Variants in EBF1 observed in about 807,000 individuals in gnomAD.
EBF1 encodes transcription factor COE1.
In EBF1, 10 loss-of-function variants were observed where a neutral mutation model predicts 68.4. The observed-to-expected ratio is 0.15, with a 90% confidence interval of 0.09 to 0.25. The LOEUF (loss-of-function observed/expected upper bound fraction) is 0.25. Ranked by LOEUF, EBF1 falls within the 10% of genes least tolerant of loss-of-function variation. EBF1 has a pLI of 1.00. For synonymous variants in EBF1, 298 were observed against 299.8 expected (o/e 0.99, Z 0.06); for missense variants, 509 against 794.4 (o/e 0.64, Z 4.32).
chr5:159,084,237 G>A (rs1584501835), intron 5 of EBF1, among the ~76,000 whole-genome samples: 1 of 152,016 alleles, frequency 6.6e-6, no homozygotes, highest in South Asian at 2.1e-4. Context: ...TTTTCAAGTG[G>A]GAGAATTAGA....
intron 6 of EBF1, among the ~76,000 whole-genome samples, chr5:158,926,087 C>T (rs141050992): frequency 5.3e-5 from 8 of 152,182 alleles, no homozygotes; most frequent in Non-Finnish European, 1.2e-4. Context: ...TTTATTTATA[C>T]TTCCACCATT....
intron 5 of EBF1, among the ~76,000 whole-genome samples, chr5:159,078,546 G>C (rs565511518): frequency 3.3e-5 from 5 of 152,192 alleles, no homozygotes; most frequent in Non-Finnish European, 7.3e-5. Context: ...GTTGGGCACT[G>C]TACCAGGCAC....
chr5:158,900,049 G>A (rs1480179706), intron 6 of EBF1, among the ~76,000 whole-genome samples: 2 of 152,104 alleles, frequency 1.3e-5, no homozygotes, highest in Non-Finnish European at 2.9e-5. Flanking sequence ...TCAGGCCCTC[G>A]GGTTCCCGGC....
chr5:158,757,674 C>T (rs1338971741), intron 10 of EBF1, among the ~76,000 whole-genome samples: 2 of 152,162 alleles, frequency 1.3e-5, no homozygotes, highest in East Asian at 1.9e-4. Flanking sequence ...TTTCTAGTTG[C>T]ATAACCTTCA....
intron 10 of EBF1, among the ~76,000 whole-genome samples, chr5:158,744,334 C>T (rs918324807): frequency 3.6e-5 from 5 of 137,762 alleles, no homozygotes; most frequent in East Asian, 2.0e-4. Flanking sequence ...GACAAATACA[C>T]GTCAAAAAGG....
intron 4 of EBF1, among the ~76,000 whole-genome samples, chr5:159,085,612 C>T (rs538281039): frequency 3.6e-4 from 55 of 152,286 alleles, no homozygotes; most frequent in Non-Finnish European, 6.9e-4. Flanking sequence ...CAGTGGGCTA[C>T]ATTTAGCTAA....
chr5:158,809,833 T>C (rs1334076270), intron 8 of EBF1, among the ~76,000 whole-genome samples: 2 of 152,228 alleles, frequency 1.3e-5, no homozygotes, highest in Middle Eastern at 3.2e-3. Flanking sequence ...CTTTTAACTT[T>C]CATTTTTAAT....
intron 9 of EBF1, 62 bp downstream of exon 9, chr5:158,796,283 A>T: frequency 6.6e-7 from 1 of 1,519,610 alleles, no homozygotes; most frequent in South Asian, 1.4e-5. Flanking sequence ...TAGAAATTCA[A>T]GTATAGACAG....
chr5:158,820,855 T>C (rs1200652497), intron 8 of EBF1, among the ~76,000 whole-genome samples: 1 of 152,206 alleles, frequency 6.6e-6, no homozygotes, highest in Non-Finnish European at 1.5e-5. Flanking sequence ...GGAGGAAGCT[T>C]AGAGCTGTGT....
At chr5:158,774,034 A>G (rs912818140) in intron 10 of EBF1, among the ~76,000 whole-genome samples, 1 of 152,184 alleles carries the variant, frequency 6.6e-6, no homozygotes, top group South Asian at 2.1e-4. Context: ...CTTGCCCTAC[A>G]TTTACATAAG....
chr5:158,863,702 C>T (rs888117293), intron 6 of EBF1, among the ~76,000 whole-genome samples: 1 of 152,114 alleles, frequency 6.6e-6, no homozygotes, highest in African/African-American at 2.4e-5. Flanking sequence ...ACATCTGCAG[C>T]TTTATACTGT....
At chr5:158,800,697 G>A (rs183637594) in intron 8 of EBF1, among the ~76,000 whole-genome samples, 68 of 152,242 alleles carry the variant, frequency 4.5e-4, no homozygotes, top group African/African-American at 1.6e-3. Flanking sequence ...AGCAGCCAAG[G>A]ACTTGTTTCT....
intron 6 of EBF1, among the ~76,000 whole-genome samples, chr5:159,030,518 G>A (rs13174985): frequency 0.077 from 11,760 of 152,270 alleles, 484 homozygotes; most frequent in Middle Eastern, 0.12. Flanking sequence ...GCTGGAGAAA[G>A]CCTCCTGCAG....
intron 6 of EBF1, among the ~76,000 whole-genome samples, chr5:159,009,710 T>G (rs1267807488): frequency 6.7e-6 from 1 of 148,974 alleles, no homozygotes; most frequent in Non-Finnish European, 1.5e-5. Context: ...GCCAAGGAAG[T>G]CCAGGCTGCA....
chr5:158,905,950 T>C (rs764838431), intron 6 of EBF1, among the ~76,000 whole-genome samples: 71 of 152,152 alleles, frequency 4.7e-4, no homozygotes, highest in Non-Finnish European at 9.3e-4. Context: ...ATTATTTCCA[T>C]GAAACACATG....
rs1805529167 is a variant in EBF1, at chr5:158,909,902, A to T, written c.555-69792T>A. 3.0e-5 allele frequency among the ~76,000 whole-genome samples: 4 copies of T among 134,376 alleles called. No homozygotes were observed. In the South Asian group the frequency reaches 1.1e-3, roughly 36 times the overall value. The allele number at this position is 134,376 out of a possible 152,430, so 88.2% of individuals were successfully genotyped here. On this transcript the variant is annotated intron_variant, in intron 6 of 15. Transcript: ENST00000313708. ...AACCAGGGAAGCAGAGGTTGCAGTG[A>T]GCCGAGATTGCACCACTGCACTCCA... is the stretch of plus-strand genomic sequence containing the variant.
At chr5:158,796,278 AT>A in intron 9 of EBF1, 66 bp downstream of exon 9, 1 of 1,470,886 alleles carries the variant, frequency 6.8e-7, no homozygotes, top group Non-Finnish European at 9.1e-7. Flanking sequence ...TCTATTAGAA[AT>A]TCAAGTATAG....
rs529895609 is a variant in EBF1 at position 159,096,709 on chromosome 5, G to A, written c.291+265C>T. 2.2e-3 allele frequency: 1,355 copies of A among 608,342 alleles called. 1 individual carries two copies. Among genetic ancestry groups the A allele is most frequent in the Middle Eastern group, 4.4e-3 (10 of 2,278 alleles). 37.7% of individuals were successfully genotyped at this position (608,342 alleles called of 1,614,324 possible). ...TGCGTAATCTGGTAGTGGAGGGCGG[G>A]TTCATTCCGGGTGCCCATGGCTGTG... On this transcript the variant is annotated intron_variant, in intron 2 of 15. Transcript: ENST00000313708.
In EBF1 at chr5:159,094,193, A is replaced by C. The variant is rs796960166; in HGVS notation, c.411+1427T>G. Among the ~76,000 whole-genome samples, 536 of 141,908 alleles carry C rather than the reference A, an allele frequency of 3.8e-3. 5 individuals are homozygous for C. The highest frequency in any genetic ancestry group is 0.013 in the African/African-American group (479 of 37,034). The allele number at this position is 141,908 out of a possible 152,430, so 93.1% of individuals were successfully genotyped here. On this transcript the variant is annotated intron_variant, in intron 4 of 15. Coordinates refer to ENST00000313708, the MANE Select transcript of EBF1 (RefSeq NM_024007.5). ...AAAAAAAAAAAAAAAAAAAAAAAAA[A>C]ACACAGTGTCCAAATGAAAGTGAAT...
Sources: gnomAD v4.1 joint callset for allele counts (sites outside exome capture counted in the v4.1 genomes callset) on GRCh38, gnomAD v4.1.1 for gene constraint, MANE v1.5 for transcripts, NCBI Gene and HGNC (gene_info 2026-07-23, HGNC 2026-07-21) for gene names.